The following SLC8A1 variants were observed in gnomAD, a reference collection of about 807,000 sequenced individuals.
SLC8A1 encodes the protein solute carrier family 8 member A1, also known as sodium/calcium exchanger 1.
Under a neutral mutation model 68.3 loss-of-function variants are expected in SLC8A1, and 18 were observed. The observed-to-expected ratio is 0.26, with a 90% CI of 0.18 to 0.39. The LOEUF is 0.39. SLC8A1 is among the 10% of genes least tolerant of loss of function. SLC8A1 has a pLI of 1.00. For synonymous variants in SLC8A1, 475 were observed against 415.5 expected (o/e 1.14, Z -1.74); for missense variants, 985 against 1,156.7 (o/e 0.85, Z 2.15).
chr2:40,375,401 C>G (rs1679487607), intron 2 of SLC8A1, among the ~76,000 whole-genome samples: 1 of 152,074 alleles, frequency 6.6e-6, no homozygotes, highest in Non-Finnish European at 1.5e-5. Context: ...GTGAATTTTC[C>G]TAACAAACTT....
intron 6 of SLC8A1, among the ~76,000 whole-genome samples, chr2:40,154,962 A>T (rs2044191311): frequency 6.6e-6 from 1 of 152,136 alleles, no homozygotes; most frequent in Admixed American, 6.5e-5. Flanking sequence ...ATCCTTCTTC[A>T]TGAACCTCAG....
intron 2 of SLC8A1, among the ~76,000 whole-genome samples, chr2:40,262,880 G>C (rs2064889636): frequency 6.6e-6 from 1 of 152,174 alleles, no homozygotes; most frequent in Non-Finnish European, 1.5e-5. Flanking sequence ...CACTTACTAA[G>C]TTTAGGGAGA....
chr2:40,475,260 C>T (rs546913910), intron 1 of SLC8A1, among the ~76,000 whole-genome samples: 240 of 152,204 alleles, frequency 1.6e-3, no homozygotes, highest in African/African-American at 5.5e-3. Flanking sequence ...CAGCCTCCCA[C>T]GTAGCTGGGA....
chr2:40,394,125 G>A (rs1339706216), intron 2 of SLC8A1, among the ~76,000 whole-genome samples: 1 of 152,048 alleles, frequency 6.6e-6, no homozygotes, highest in Non-Finnish European at 1.5e-5. Context: ...CCACAAAGAA[G>A]AATGACCTGG....
intron 2 of SLC8A1, among the ~76,000 whole-genome samples, chr2:40,270,657 C>A (rs1375108049): frequency 1.3e-5 from 2 of 152,232 alleles, no homozygotes; most frequent in East Asian, 1.9e-4. Context: ...AAATCCAGAA[C>A]AATCTCCTCA....
intron 1 of SLC8A1, among the ~76,000 whole-genome samples, chr2:40,490,657 T>C (rs1306123252): frequency 6.6e-6 from 1 of 152,056 alleles, no homozygotes; most frequent in African/African-American, 2.4e-5. Flanking sequence ...GAGTAGTGGA[T>C]TCACAACTAT....
intron 1 of SLC8A1, among the ~76,000 whole-genome samples, chr2:40,449,461 T>C (rs1324193165): frequency 6.6e-6 from 1 of 152,216 alleles, no homozygotes; most frequent in African/African-American, 2.4e-5. Context: ...GGAATATATT[T>C]TATTTTTTCA....
chr2:40,489,355 T>G (rs1705173656), intron 1 of SLC8A1, among the ~76,000 whole-genome samples: 1 of 152,072 alleles, frequency 6.6e-6, no homozygotes, highest in Non-Finnish European at 1.5e-5. Context: ...ACACATGTAT[T>G]AAGGTGAACA....
chr2:40,406,343 T>A (rs1363408667), intron 2 of SLC8A1, among the ~76,000 whole-genome samples: 3 of 152,198 alleles, frequency 2.0e-5, no homozygotes, highest in Non-Finnish European at 1.5e-5. Context: ...CAGAGTTATT[T>A]TTCCAAGATG....
intron 2 of SLC8A1, among the ~76,000 whole-genome samples, chr2:40,267,339 T>G (rs1410102764): frequency 6.6e-6 from 1 of 152,180 alleles, no homozygotes; most frequent in Non-Finnish European, 1.5e-5. Flanking sequence ...CCTAGAAAGT[T>G]AGTAACATAT....
exon 8 of SLC8A1, chr2:40,097,701 C>G (rs899715346): frequency 1.3e-5 from 2 of 151,930 alleles, no homozygotes; most frequent in African/African-American, 4.8e-5. Flanking sequence ...TGTTTACTGG[C>G]TGAGAGCATT....
At chr2:40,392,911 CT>C (rs1685778168) in intron 2 of SLC8A1, among the ~76,000 whole-genome samples, 1 of 152,022 alleles carries the variant, frequency 6.6e-6, no homozygotes, top group Admixed American at 6.6e-5. Context: ...TAAATACTTA[CT>C]GTTTGTGCCT....
At chr2:40,419,811 G>A (rs1235196568) in intron 2 of SLC8A1, among the ~76,000 whole-genome samples, 8 of 152,082 alleles carry the variant, frequency 5.3e-5, no homozygotes, top group Non-Finnish European at 8.8e-5. Flanking sequence ...ATATGTGTGT[G>A]TGTAAGACAA....
intron 2 of SLC8A1, among the ~76,000 whole-genome samples, chr2:40,295,149 G>C (rs933800718): frequency 6.6e-6 from 1 of 151,858 alleles, no homozygotes; most frequent in Non-Finnish European, 1.5e-5. Flanking sequence ...ACTCAGGCTA[G>C]AGTGCAGTGG....
chr2:40,107,690 T>G (rs1407402275), exon 8 of SLC8A1: 8 of 152,140 alleles, frequency 5.3e-5, no homozygotes, highest in Non-Finnish European at 8.8e-5. Context: ...TCCAACTCTT[T>G]CTCAAAGGAT....
At chr2:40,395,726 C>T (rs1183622670) in intron 2 of SLC8A1, among the ~76,000 whole-genome samples, 2 of 152,004 alleles carry the variant, frequency 1.3e-5, no homozygotes, top group Non-Finnish European at 2.9e-5. Flanking sequence ...GTGATAAGAA[C>T]TCAAAATTAA....
exon 2 of SLC8A1, chr2:40,429,507 A>T: frequency 6.2e-7 from 1 of 1,613,878 alleles, no homozygotes; most frequent in East Asian, 2.2e-5. Flanking sequence ...CATACTTGTA[A>T]AACAGAAGTC....
chr2:40,112,470 G>A (rs1396210820), exon 8 of SLC8A1: 1 of 151,642 alleles, frequency 6.6e-6, no homozygotes, highest in Admixed American at 6.6e-5. Context: ...AAACCAAAAA[G>A]CTTTCAAATT....
chr2:40,430,341 A>C, intron 1 of SLC8A1, 37 bp from the exon 2 acceptor site: 2 of 1,528,762 alleles, frequency 1.3e-6, no homozygotes, highest in Non-Finnish European at 1.8e-6. Flanking sequence ...GCAGAAAAAA[A>C]GTCATGTCAT....
Sources: gnomAD v4.1 joint callset for allele counts (sites outside exome capture counted in the v4.1 genomes callset) on GRCh38, gnomAD v4.1.1 for gene constraint, MANE v1.5 for transcripts, NCBI Gene and HGNC (gene_info 2026-07-23, HGNC 2026-07-21) for gene names.